CABIN1: variants seen among roughly 807,000 people sequenced by gnomAD.
The protein encoded by CABIN1 is calcineurin binding protein 1, also known as calcineurin-binding protein cabin-1.
CABIN1 carries 133 observed loss-of-function variants against 227.7 expected under a neutral mutation model. That is an observed-to-expected ratio of 0.58 (90% CI 0.51 to 0.67). The LOEUF is 0.67. Ranked by LOEUF, CABIN1 falls within the 30% of genes least tolerant of loss-of-function variation. The pLI is 0.00. For synonymous variants in CABIN1, 1,086 were observed against 1,155.1 expected, an observed-to-expected ratio of 0.94 and a Z score of 1.21; for missense variants, 2,408 against 2,852.5, an observed-to-expected ratio of 0.84 and a Z score of 3.55.
At chr22:24,088,834 C>T (rs1251649185) in intron 23 of CABIN1, among the ~76,000 whole-genome samples, 2 of 152,166 alleles carry the variant, frequency 1.3e-5, no homozygotes, top group Non-Finnish European at 2.9e-5. Context: ...TGGTACTCAG[C>T]TTCCTTTTTC....
intron 6 of CABIN1, among the ~76,000 whole-genome samples, chr22:24,047,365 C>G (rs1202122577): frequency 6.6e-6 from 1 of 152,216 alleles, no homozygotes; most frequent in Non-Finnish European, 1.5e-5. Flanking sequence ...CTCTGCAGGA[C>G]TGTAGGGTGG....
intron 29 of CABIN1, among the ~76,000 whole-genome samples, chr22:24,136,522 G>GTTTTTTTT (rs2044413985): frequency 1.3e-5 from 1 of 77,378 alleles, no homozygotes; most frequent in African/African-American, 6.6e-5. Context: ...GCTAATTTTT[G>GTTTTTTTT]TATTTTTTTT....
rs776190461 is a variant in CABIN1, at chr22:24,063,066, C to G, written c.1804C>G (p.Gln602Glu). 7.4e-6 allele frequency: 12 copies of G among 1,614,202 alleles called. No individual in the cohort carries two copies. Among genetic ancestry groups the G allele is most frequent in the Non-Finnish European group, 1.0e-5 (12 of 1,180,030 alleles). Residue 602 changes from glutamine to glutamate, a missense_variant, in exon 14 of 37, where the codon CAG becomes GAG. By Grantham distance (29) the Gln-to-Glu change is conservative. Transcript: ENST00000263119. ...CCTACAGCTGTCATTTGCCTCGTCC[C>G]AGCGCGACCTGTTCGAGGATGGTTG... ...DLLQLSFASS[Q>E]RDLFEDGWLE...
chr22:24,177,826 AG>A lies in CABIN1; in HGVS notation c.6519+13del. 2 of 1,578,012 alleles carry A rather than the reference AG, an allele frequency of 1.3e-6. No homozygotes were observed. The highest frequency in any genetic ancestry group is 1.1e-5 in the South Asian group (1 of 89,744). Reference sequence around the variant, plus strand: ...CCAAGCAGAAGCTGAAGGTGACCTCAGGGGCTGGGCTGGAGCCATGTGTGGG... The same window carrying A: ...CCAAGCAGAAGCTGAAGGTGACCTCAGGGCTGGGCTGGAGCCATGTGTGGG... On this transcript the variant is annotated intron_variant, in intron 36 of 36. Transcript: ENST00000263119. The surrounding 1 kb of genome is among the most constrained non-coding windows in gnomAD (Gnocchi z 4.4).
chr22:24,115,831 C>A (rs986558328), intron 27 of CABIN1, among the ~76,000 whole-genome samples: 8 of 152,240 alleles, frequency 5.3e-5, no homozygotes, highest in African/African-American at 1.9e-4. Flanking sequence ...GAGAGTCCTA[C>A]CACCAGCCTG....
At position 24,156,205 on chromosome 22, in the gene CABIN1, C is replaced by T. The variant is rs2045792818; in HGVS notation, c.4747-8195C>T. 11 of 389,422 alleles carry T rather than the reference C, an allele frequency of 2.8e-5. 1 individual carries two copies. In the East Asian group the frequency reaches 3.7e-4, roughly 13 times the overall value. 24.1% of individuals were successfully genotyped at this position (389,422 alleles called of 1,614,324 possible). On this transcript the variant is annotated intron_variant, in intron 29 of 36. Coordinates refer to ENST00000263119, the MANE Select transcript of CABIN1 (RefSeq NM_012295.4). ...TTGCTGGCGCTTTTGCTCAATCGTC[C>T]CCTGGTGGGCTCTGGCGGCCGCCCC...
At chr22:24,064,780 C>G (rs2039485415) in intron 15 of CABIN1, among the ~76,000 whole-genome samples, 1 of 152,070 alleles carries the variant, frequency 6.6e-6, no homozygotes, top group Non-Finnish European at 1.5e-5. Flanking sequence ...CGCCCTTAAT[C>G]CATTTAACCC....
At chr22:24,040,329 G>GGAT (rs896840367) in intron 4 of CABIN1, among the ~76,000 whole-genome samples, 10 of 152,128 alleles carry the variant, frequency 6.6e-5, no homozygotes, top group Admixed American at 5.2e-4. Flanking sequence ...ATTAGTCAAG[G>GGAT]GATGCTTCCT....
intron 28 of CABIN1, among the ~76,000 whole-genome samples, chr22:24,133,870 G>T (rs910139783): frequency 6.6e-6 from 1 of 152,222 alleles, no homozygotes; most frequent in African/African-American, 2.4e-5. Context: ...TGTGGCCAGA[G>T]TCCAGCCCTC....
intron 34 of CABIN1, among the ~76,000 whole-genome samples, chr22:24,173,617 C>T (rs1016012022): frequency 2.6e-5 from 4 of 152,154 alleles, no homozygotes; most frequent in African/African-American, 4.8e-5. Flanking sequence ...GGGCGGATCA[C>T]GAGGTCAAGA....
intron 16 of CABIN1, among the ~76,000 whole-genome samples, chr22:24,067,814 C>A (rs58989651): frequency 8.1e-4 from 123 of 152,272 alleles, no homozygotes; most frequent in African/African-American, 2.9e-3. Context: ...AGGGATTACA[C>A]AAGGTAATGT....
chr22:24,086,081 GGTTCTCA>G (rs1601991336), intron 22 of CABIN1, among the ~76,000 whole-genome samples: 1 of 151,890 alleles, frequency 6.6e-6, no homozygotes, highest in East Asian at 1.9e-4. Flanking sequence ...TTGTGTGAAA[GGTTCTCA>G]CAGAACTTCT....
At chr22:24,060,182 C>T (rs1303623800) in intron 12 of CABIN1, 41 bp downstream of exon 12, 1 of 1,564,848 alleles carries the variant, frequency 6.4e-7, no homozygotes, top group Non-Finnish European at 8.8e-7. Flanking sequence ...GAACTGGGAC[C>T]AGGGCATGGG....
intron 26 of CABIN1, among the ~76,000 whole-genome samples, chr22:24,112,952 C>T (rs1049129018): frequency 6.6e-6 from 1 of 152,172 alleles, no homozygotes. Context: ...CAACTTCCCT[C>T]TTTGCCCCGC....
intron 26 of CABIN1, among the ~76,000 whole-genome samples, chr22:24,110,405 T>A (rs975343224): frequency 6.6e-6 from 1 of 152,214 alleles, no homozygotes; most frequent in African/African-American, 2.4e-5. Flanking sequence ...ACATTGCTAC[T>A]ATTTTTGCTT....
At chr22:24,027,649 G>T (rs1449194920) in intron 1 of CABIN1, among the ~76,000 whole-genome samples, 1 of 152,206 alleles carries the variant, frequency 6.6e-6, no homozygotes, top group East Asian at 1.9e-4. Context: ...GTTATTATGG[G>T]AATAGGTTCA....
In CABIN1 at chr22:24,039,421, T is replaced by A. The variant is rs191033180; in HGVS notation, c.210+960T>A. 3.2e-3 allele frequency among the ~76,000 whole-genome samples: 483 copies of A among 152,342 alleles called. 22 individuals are homozygous for A. Among genetic ancestry groups the A allele is most frequent in the Admixed American group, 0.028 (434 of 15,304 alleles). ...GTTTTTCTTTGTATTCCTAATTATA[T>A]AGCTTGTCAAGATTCTTTGGTTACT... On this transcript the variant is annotated intron_variant, in intron 4 of 36. Transcript: ENST00000263119.
intron 28 of CABIN1, among the ~76,000 whole-genome samples, chr22:24,134,016 TA>T (rs1394907931): frequency 2.6e-5 from 4 of 152,166 alleles, no homozygotes; most frequent in African/African-American, 2.4e-5. Flanking sequence ...GGCAGGTTTG[TA>T]GGGTTGGTCA....
chr22:24,017,448 C>A (rs765827795), intron 1 of CABIN1, among the ~76,000 whole-genome samples: 1 of 152,178 alleles, frequency 6.6e-6, no homozygotes, highest in Non-Finnish European at 1.5e-5. Flanking sequence ...TTCATCTTTT[C>A]AAACTGAAAC....
Sources: gnomAD v4.1 joint callset for allele counts (sites outside exome capture counted in the v4.1 genomes callset) on GRCh38, gnomAD v4.1.1 for gene constraint, Gnocchi (gnomAD v3.1) non-coding constraint, MANE v1.5 for transcripts, NCBI Gene and HGNC (gene_info 2026-07-23, HGNC 2026-07-21) for gene names.